Variants in WDR20 observed in about 807,000 individuals in gnomAD.
WDR20 encodes the protein WD repeat-containing protein 20.
Under a neutral mutation model 38.7 loss-of-function variants are expected in WDR20, and 3 were observed. The observed-to-expected ratio is 0.08, with a 90% confidence interval of 0.04 to 0.20. The LOEUF (loss-of-function observed/expected upper bound fraction) is 0.20, where lower values mean the gene tolerates loss of function less well. Among genes scored for constraint, WDR20 ranks in the 10% least tolerant of loss-of-function variants. The pLI is 1.00. For missense variants in WDR20, 559 were observed against 727.7 expected, an observed-to-expected ratio of 0.77 and a Z score of 2.67; for synonymous variants, 298 against 285.6, an observed-to-expected ratio of 1.04 and a Z score of -0.44.
Position 102,221,509 on chromosome 14 carries a change from G to A in WDR20, c.1693-1321G>A, listed in dbSNP as rs921359918. Among the ~76,000 whole-genome samples the A allele has an allele frequency of 1.2e-4, 18 of 152,192 alleles. No individual in the cohort carries two copies. Among genetic ancestry groups the A allele is most frequent in the South Asian group, 4.1e-4 (2 of 4,834 alleles). ...TGTGTTTGAGCCAGAAGTATGGGGC[G>A]TTTGCGGGGTCCTCCACAAGTACAA... is the stretch of plus-strand genomic sequence containing the variant. On this transcript the variant is annotated intron_variant, in intron 3 of 3. Transcript: ENST00000335263. The surrounding 1 kb of genome is among the most constrained non-coding windows in gnomAD (Gnocchi z 4.8).
intron 2 of WDR20, among the ~76,000 whole-genome samples, chr14:102,200,761 CTGCTGT>C (rs559848937): frequency 1.5e-3 from 231 of 152,342 alleles, no homozygotes; most frequent in Non-Finnish European, 2.3e-3. Flanking sequence ...ACGATACCCT[CTGCTGT>C]TGCCCTTCTC....
intron 1 of WDR20, chr14:102,193,435 G>T: frequency 6.2e-7 from 1 of 1,607,394 alleles, no homozygotes; most frequent in Non-Finnish European, 8.5e-7. Flanking sequence ...GCTCTTTCAT[G>T]TATATATTCT....
intron 1 of WDR20, among the ~76,000 whole-genome samples, chr14:102,148,413 G>A (rs1233947109): frequency 2.0e-5 from 3 of 151,960 alleles, no homozygotes; most frequent in Admixed American, 6.6e-5. Context: ...GGTGGTGCAC[G>A]CCTGTGGCCC....
chr14:102,206,954 T>G (rs1036130465), intron 2 of WDR20, among the ~76,000 whole-genome samples: 2 of 152,122 alleles, frequency 1.3e-5, no homozygotes, highest in Non-Finnish European at 2.9e-5. Context: ...TGCACGAAGG[T>G]CTAATGGAAA....
chr14:102,214,697 G>A, downstream of WDR20: 2 of 982,416 alleles, frequency 2.0e-6, no homozygotes, highest in Non-Finnish European at 2.4e-6. Context: ...AAATTCACAT[G>A]TATTTCCTTT....
At chr14:102,193,408 G>A (rs1411263731) in intron 1 of WDR20, 16 of 1,559,144 alleles carry the variant, frequency 1.0e-5, no homozygotes, top group Non-Finnish European at 1.4e-5. Context: ...ATCATGCTTT[G>A]TATTACACTT....
chr14:102,223,337 C>T (rs1397157807), exon 4 of WDR20: 4 of 152,586 alleles, frequency 2.6e-5, no homozygotes, highest in Non-Finnish European at 5.9e-5. Context: ...CTGTTACTTT[C>T]TGACGTAATG....
downstream of WDR20, among the ~76,000 whole-genome samples, chr14:102,215,686 C>A (rs976490293): frequency 1.3e-5 from 2 of 152,238 alleles, no homozygotes; most frequent in Non-Finnish European, 2.9e-5. Flanking sequence ...TCTGCCTACT[C>A]CTCATCTTGA....
intron 1 of WDR20, among the ~76,000 whole-genome samples, chr14:102,177,211 ACC>A (rs2062347338): frequency 1.3e-5 from 2 of 152,182 alleles, no homozygotes; most frequent in African/African-American, 2.4e-5. Flanking sequence ...CTGAGCTGAG[ACC>A]ATTGTTTTCA....
rs1272842103 is a variant in WDR20, at chr14:102,222,794, G to A, written c.1693-36G>A. The A allele has an allele frequency of 7.4e-6, 12 of 1,613,802 alleles. No homozygotes were observed. The highest frequency in any genetic ancestry group is 1.0e-5 in the Non-Finnish European group (12 of 1,179,816). On this transcript the variant is annotated intron_variant, in intron 3 of 3. Transcript: ENST00000335263. The surrounding 1 kb of genome is among the most constrained non-coding windows in gnomAD (Gnocchi z 4.4). ...GCATGGTGGCTGTTGCCCGTCCGGT[G>A]TTTTGCTGGATTAATGTAGACTGCT...
At chr14:102,151,227 G>A (rs984836463) in intron 1 of WDR20, among the ~76,000 whole-genome samples, 7 of 139,044 alleles carry the variant, frequency 5.0e-5, no homozygotes, top group African/African-American at 1.7e-4. Flanking sequence ...GTGTGTCCAC[G>A]GATAATGAAG....
chr14:102,205,166 T>C (rs1317902213), intron 2 of WDR20, among the ~76,000 whole-genome samples: 1 of 151,466 alleles, frequency 6.6e-6, no homozygotes, highest in Non-Finnish European at 1.5e-5. Flanking sequence ...GAGGCTGAGG[T>C]GGGAGGATTG....
At chr14:102,212,521 C>T (rs531623204), downstream of WDR20, 11 of 1,535,910 alleles carry the variant, frequency 7.2e-6, no homozygotes, top group South Asian at 4.8e-5. Flanking sequence ...CTTTGACAGC[C>T]GGCAGAGCAC....
At chr14:102,206,227 TCCACCCTCC>T (rs2061513898) in intron 2 of WDR20, among the ~76,000 whole-genome samples, 1 of 152,204 alleles carries the variant, frequency 6.6e-6, no homozygotes, top group African/African-American at 2.4e-5. Context: ...CCTAAAGTGA[TCCACCCTCC>T]TCGGCCTCCC....
At position 102,208,570 on chromosome 14, in the gene WDR20, G is replaced by A. The variant is rs770416038; in HGVS notation, c.433-33G>A. The A allele has an allele frequency of 1.0e-5, 16 of 1,559,358 alleles. No homozygotes were observed. Among genetic ancestry groups the A allele is most frequent in the South Asian group, 3.6e-5 (3 of 82,568 alleles). ...AAAAGTAGACCTTTGAGACTTCTCC[G>A]TTGTGCTAACTTGTTCTCCTTTGTC... On this transcript the variant is annotated intron_variant, in intron 2 of 2. Transcript: ENST00000342702. The surrounding 1 kb of genome is among the most constrained non-coding windows in gnomAD (Gnocchi z 5.6).
At chr14:102,193,226 C>G (rs909394495) in intron 1 of WDR20, among the ~76,000 whole-genome samples, 3 of 151,804 alleles carry the variant, frequency 2.0e-5, no homozygotes, top group Non-Finnish European at 4.4e-5. Context: ...CCATCCGAGC[C>G]GCTCAGAAGC....
intron 1 of WDR20, among the ~76,000 whole-genome samples, chr14:102,184,870 C>T (rs1220044639): frequency 6.6e-6 from 1 of 152,154 alleles, no homozygotes; most frequent in African/African-American, 2.4e-5. Context: ...ACGTGGTTGG[C>T]CGGGGCTCAT....
chr14:102,178,346 C>T (rs960593213), intron 1 of WDR20, among the ~76,000 whole-genome samples: 7 of 151,048 alleles, frequency 4.6e-5, no homozygotes, highest in South Asian at 4.2e-4. Flanking sequence ...GAGCCAAGAT[C>T]GTGCCATTGC....
chr14:102,217,990 C>G (rs916043914), downstream of WDR20, among the ~76,000 whole-genome samples: 39 of 152,256 alleles, frequency 2.6e-4, no homozygotes, highest in African/African-American at 9.4e-4. Context: ...GGCCTTCTCC[C>G]TCTGGGGGAC....
Sources: gnomAD v4.1 joint callset for allele counts (sites outside exome capture counted in the v4.1 genomes callset) on GRCh38, gnomAD v4.1.1 for gene constraint, Gnocchi (gnomAD v3.1) non-coding constraint, MANE v1.5 for transcripts, NCBI Gene and HGNC (gene_info 2026-07-23, HGNC 2026-07-21) for gene names.